The following BPTF variants were observed in gnomAD, a reference collection of about 807,000 sequenced individuals.
The protein encoded by BPTF is bromodomain PHD finger transcription factor, also known as nucleosome-remodeling factor subunit BPTF.
BPTF carries 18 observed loss-of-function variants against 292.5 expected under a neutral mutation model. The observed-to-expected ratio is 0.06, with a 90% CI of 0.04 to 0.09. BPTF has a LOEUF of 0.09. Among genes scored for constraint, BPTF ranks in the 10% least tolerant of loss-of-function variants. The pLI is 1.00. For missense variants in BPTF, 2,726 were observed against 3,498.7 expected (o/e 0.78, Z 5.57); for synonymous variants, 1,225 against 1,251.9 (o/e 0.98, Z 0.45).
intron 3 of BPTF, among the ~76,000 whole-genome samples, chr17:67,871,920 G>A (rs2059766154): frequency 6.6e-6 from 1 of 152,092 alleles, no homozygotes; most frequent in African/African-American, 2.4e-5. Flanking sequence ...CTGTCTCCTA[G>A]GTTCAAGCAA....
chr17:67,863,337 T>G (rs1254348153), intron 2 of BPTF, among the ~76,000 whole-genome samples: 4 of 152,300 alleles, frequency 2.6e-5, no homozygotes, highest in East Asian at 1.9e-4. Context: ...CAGGCTGGAG[T>G]GCAGTGGCAC....
intron 4 of BPTF, among the ~76,000 whole-genome samples, chr17:67,879,914 G>A (rs1347005252): frequency 6.6e-6 from 1 of 152,122 alleles, no homozygotes; most frequent in Admixed American, 6.5e-5. Flanking sequence ...CCTCCCATTA[G>A]GCCCCACCTC....
intron 2 of BPTF, among the ~76,000 whole-genome samples, chr17:67,866,076 G>A (rs2059375623): frequency 6.6e-6 from 1 of 152,112 alleles, no homozygotes; most frequent in Admixed American, 6.6e-5. Flanking sequence ...AACCACGATG[G>A]TGCCACTGCA....
chr17:67,887,210 T>C (rs1371231681), intron 4 of BPTF, among the ~76,000 whole-genome samples: 1 of 152,240 alleles, frequency 6.6e-6, no homozygotes, highest in Admixed American at 6.5e-5. Flanking sequence ...TTCTTACTCA[T>C]GTGGTTAAGT....
chr17:67,923,058 T>A, intron 14 of BPTF, 68 bp downstream of exon 14: 6 of 718,286 alleles, frequency 8.4e-6, no homozygotes, highest in Non-Finnish European at 1.1e-5. Context: ...ATAAATTACT[T>A]TTTTTTTTTT....
chr17:67,826,114 G>A lies in BPTF; in HGVS notation c.390G>A (p.Glu130=), dbSNP rs1018475244. 2.1e-6 allele frequency: 3 copies of A among 1,411,952 alleles called. No individual in the cohort carries two copies. In the African/African-American group the frequency reaches 4.2e-5, roughly 20 times the overall value. 87.5% of individuals were successfully genotyped at this position (1,411,952 alleles called of 1,614,324 possible). ...ACAAAGTGGTGTACGATGACCACGAGAGCGAGGAGGAGGAGGAAGAGGAGG... is the reference window on the plus strand; with the variant it reads ...ACAAAGTGGTGTACGATGACCACGAAAGCGAGGAGGAGGAGGAAGAGGAGG... ...AVNKVVYDDH[E]SEEEEEEEDM... is the part of the protein sequence containing the mutation. The change falls in exon 1 of 28, where the codon GAG becomes GAA. Residue 130 remains glutamate, a synonymous_variant. Coordinates refer to ENST00000306378, the MANE Select transcript of BPTF (RefSeq NM_182641.4).
intron 1 of BPTF, among the ~76,000 whole-genome samples, chr17:67,844,465 T>G (rs1419449500): frequency 6.6e-6 from 1 of 151,768 alleles, no homozygotes; most frequent in Non-Finnish European, 1.5e-5. Context: ...GCCAGTATGG[T>G]CTCGATCTCC....
intron 18 of BPTF, among the ~76,000 whole-genome samples, chr17:67,935,504 A>G (rs919581477): frequency 2.6e-5 from 4 of 152,160 alleles, no homozygotes; most frequent in African/African-American, 9.7e-5. Context: ...AGAAAAGACC[A>G]AAAAAATTAG....
intron 3 of BPTF, 62 bp from the exon 4 acceptor site, chr17:67,874,755 G>A: frequency 9.2e-7 from 1 of 1,088,264 alleles, no homozygotes; most frequent in South Asian, 1.4e-5. Flanking sequence ...AGTGACATTT[G>A]TGGTACTGTT....
chr17:67,875,553 T>C, intron 4 of BPTF: 1 of 1,501,578 alleles, frequency 6.7e-7, no homozygotes, highest in Non-Finnish European at 8.9e-7. Context: ...CATTTTGCTG[T>C]AGAGCCAACA....
intron 23 of BPTF, among the ~76,000 whole-genome samples, chr17:67,953,442 G>C (rs2148127551): frequency 6.7e-6 from 1 of 150,044 alleles, no homozygotes; most frequent in Non-Finnish European, 1.5e-5. Context: ...GTTTTTTGAA[G>C]AGATAGGGTT....
At chr17:67,871,315 G>C (rs563532151) in intron 3 of BPTF, among the ~76,000 whole-genome samples, 1 of 151,794 alleles carries the variant, frequency 6.6e-6, no homozygotes, top group Non-Finnish European at 1.5e-5. Flanking sequence ...GGTGGTGCAC[G>C]CCTGCAATCC....
Position 67,911,113 on chromosome 17 carries a change from C to G in BPTF, c.3229C>G (p.Gln1077Glu). 6.2e-7 allele frequency: 1 copy of G among 1,613,922 alleles called. No individual in the cohort carries two copies. The change falls in exon 11 of 28, where the codon CAG (glutamine) becomes GAG (glutamate). Residue 1077 changes from glutamine to glutamate, a missense_variant. By Grantham distance (29) the Gln-to-Glu change is conservative. This residue lies in a region of BPTF where 713 missense variants were observed against 714.9 expected (regional missense o/e 1.00). Transcript: ENST00000306378. ...TAAACAGTTTACACTGGAAGAAAAA[C>G]AGCGACTCGAAAAAATCAAGTTGGA... ...RIKQFTLEEK[Q>E]RLEKIKLEGG... is the part of the protein sequence containing the mutation.
chr17:67,953,685 C>T (rs1414646214), intron 23 of BPTF, among the ~76,000 whole-genome samples: 1 of 151,216 alleles, frequency 6.6e-6, no homozygotes, highest in African/African-American at 2.4e-5. Context: ...AAGCAATTCT[C>T]CTGCCTCAGC....
chr17:67,964,768 A>G, intron 25 of BPTF, among the ~76,000 whole-genome samples: 1 of 152,016 alleles, frequency 6.6e-6, no homozygotes, highest in East Asian at 1.9e-4. Flanking sequence ...TGGGAGGCCA[A>G]GGTGGGCGGA....
At chr17:67,909,275 C>A (rs530826795) in intron 9 of BPTF, among the ~76,000 whole-genome samples, 2 of 87,854 alleles carry the variant, frequency 2.3e-5, no homozygotes, top group East Asian at 2.4e-4. Flanking sequence ...AGGTCCCCCC[C>A]CCCCTTTTTT....
intron 19 of BPTF, among the ~76,000 whole-genome samples, 170 bp from the exon 20 acceptor site, chr17:67,943,980 A>G (rs1598820073): frequency 6.6e-6 from 1 of 152,300 alleles, no homozygotes; most frequent in African/African-American, 2.4e-5. Flanking sequence ...TTTTCCTACT[A>G]AGCAACATAA....
At position 67,866,503 on chromosome 17, in the gene BPTF, G is replaced by T; in HGVS notation, c.1476G>T (p.Trp492Cys). ...AAAATGAAAATGAAAAGAAAATTTG[G>T]TATTACAGCACAAAGGTCCAACTTG... The part of the protein sequence containing the change: ...DTENENEKKI[W>C]YYSTKVQLAE... The change falls in exon 3 of 28, where the codon TGG (tryptophan) becomes TGT (cysteine). Residue 492 changes from tryptophan (W) to cysteine (C), a missense_variant. Trp to Cys is a radical substitution (Grantham distance 215). This residue lies in a region of BPTF where 187 missense variants were observed against 201.5 expected (regional missense o/e 0.93). Transcript: ENST00000306378. 6.2e-7 allele frequency: 1 copy of T among 1,613,788 alleles called. No individual in the cohort carries two copies. The highest frequency in any genetic ancestry group is 8.5e-7 in the Non-Finnish European group (1 of 1,179,774).
intron 11 of BPTF, 58 bp downstream of exon 11, chr17:67,913,245 C>G: frequency 6.7e-7 from 1 of 1,491,870 alleles, no homozygotes; most frequent in Non-Finnish European, 9.0e-7. Context: ...AATTATCTCA[C>G]AAGAATATCT....
Sources: allele counts gnomAD v4.1 joint callset (sites outside exome capture counted in the v4.1 genomes callset), GRCh38; gene constraint gnomAD v4.1.1; regional missense constraint gnomAD v4.1.1; transcripts MANE v1.5; gene names NCBI Gene and HGNC (gene_info 2026-07-23, HGNC 2026-07-21).